The following GDPD4 variants were observed in gnomAD, a reference collection of about 807,000 sequenced individuals.
The protein encoded by GDPD4 is glycerophosphodiester phosphodiesterase domain containing 4.
GDPD4 carries 60 observed loss-of-function variants against 67.8 expected under a neutral mutation model. The ratio of observed to expected loss-of-function variants is 0.88; its 90% CI spans 0.72 to 1.10. GDPD4 has a LOEUF of 1.10. Ranked by LOEUF, GDPD4 falls within the 50% of genes least tolerant of loss-of-function variation. GDPD4 has a pLI of 0.00. For synonymous variants in GDPD4, 212 were observed against 210.9 expected (o/e 1.00, Z -0.04); for missense variants, 623 against 613.9 (o/e 1.01, Z -0.16).
intron 8 of GDPD4, 44 bp from the exon 9 acceptor site, chr11:77,269,113 A>C: frequency 6.3e-7 from 1 of 1,584,630 alleles, no homozygotes; most frequent in Middle Eastern, 1.7e-4. Context: ...AAAAGAGATA[A>C]AGAGGGATGG....
At chr11:77,296,207 C>A (rs1239828052) in intron 1 of GDPD4, among the ~76,000 whole-genome samples, 1 of 143,248 alleles carries the variant, frequency 7.0e-6, no homozygotes, top group Middle Eastern at 3.6e-3. Flanking sequence ...GCAGAGATCG[C>A]GCCACTGCAC....
At chr11:77,240,776 T>G (rs1339317525) in intron 13 of GDPD4, among the ~76,000 whole-genome samples, 1 of 152,058 alleles carries the variant, frequency 6.6e-6, no homozygotes, top group African/African-American at 2.4e-5. Flanking sequence ...CCTGAAGAGA[T>G]ATTTCTCAAA....
chr11:77,239,433 C>T (rs1221567919), intron 13 of GDPD4, among the ~76,000 whole-genome samples: 1 of 152,126 alleles, frequency 6.6e-6, no homozygotes, highest in Non-Finnish European at 1.5e-5. Context: ...TATAGAAAAT[C>T]CTAAAGAATC....
intron 11 of GDPD4, among the ~76,000 whole-genome samples, chr11:77,257,193 T>A (rs1263288766): frequency 6.6e-6 from 1 of 152,214 alleles, no homozygotes; most frequent in Non-Finnish European, 1.5e-5. Flanking sequence ...TATGGATGCA[T>A]GCTATCTATC....
intron 1 of GDPD4, among the ~76,000 whole-genome samples, chr11:77,293,275 C>T (rs1337495488): frequency 1.3e-5 from 2 of 152,118 alleles, no homozygotes; most frequent in Non-Finnish European, 2.9e-5. Context: ...CTAAGGACTG[C>T]AAAGATTATT....
At chr11:77,222,991 C>T (rs1055351555) in intron 16 of GDPD4, among the ~76,000 whole-genome samples, 1 of 152,202 alleles carries the variant, frequency 6.6e-6, no homozygotes, top group African/African-American at 2.4e-5. Flanking sequence ...CACTGATACC[C>T]TTTCTTCCAC....
At chr11:77,255,695 C>T (rs1022587246) in intron 11 of GDPD4, among the ~76,000 whole-genome samples, 3 of 151,686 alleles carry the variant, frequency 2.0e-5, no homozygotes, top group Admixed American at 6.6e-5. Context: ...CCCATCTCTA[C>T]TAAAAATACA....
chr11:77,231,154 T>A (rs1280670353), intron 14 of GDPD4, among the ~76,000 whole-genome samples: 1 of 152,232 alleles, frequency 6.6e-6, no homozygotes, highest in African/African-American at 2.4e-5. Flanking sequence ...CACTAAGTTT[T>A]AGGTAGTTTT....
chr11:77,250,556 G>A (rs762792305), intron 11 of GDPD4, among the ~76,000 whole-genome samples: 1 of 152,118 alleles, frequency 6.6e-6, no homozygotes, highest in Non-Finnish European at 1.5e-5. Context: ...TTTTAAATTT[G>A]TTGAGATTTG....
chr11:77,233,279 G>A (rs1958488103), intron 13 of GDPD4, 107 bp from the exon 14 acceptor site: 1 of 989,888 alleles, frequency 1.0e-6, no homozygotes, highest in East Asian at 2.4e-5. Context: ...TAAATCACCA[G>A]AAGCAGCTGA....
chr11:77,261,133 A>G (rs537185076), intron 10 of GDPD4, among the ~76,000 whole-genome samples: 1 of 152,150 alleles, frequency 6.6e-6, no homozygotes, highest in Admixed American at 6.5e-5. Context: ...TTACTACTAT[A>G]TTTTTCCTGC....
At chr11:77,266,114 T>C (rs1350704452) in intron 10 of GDPD4, among the ~76,000 whole-genome samples, 2 of 152,212 alleles carry the variant, frequency 1.3e-5, no homozygotes, top group Admixed American at 6.6e-5. Flanking sequence ...AAAACAGCTA[T>C]GAAAATTAAT....
intron 5 of GDPD4, among the ~76,000 whole-genome samples, chr11:77,271,758 T>C (rs1047883728): frequency 5.3e-5 from 8 of 152,350 alleles, no homozygotes; most frequent in South Asian, 4.1e-4. Flanking sequence ...TAGTCCTCAA[T>C]TGTATACTCA....
At position 77,225,419 on chromosome 11, in the gene GDPD4, A is replaced by T. The variant is rs531683076; in HGVS notation, c.1525+2445T>A. Among the ~76,000 whole-genome samples, 47 of 152,258 alleles carry T rather than the reference A, an allele frequency of 3.1e-4. No individual in the cohort carries two copies. In the East Asian group the frequency reaches 6.4e-3, roughly 21 times the overall value. ...CAGAAAAATATTTGAAGAAATAAAG[A>T]CTAAAATTATGTCCAATTTGATGAA... On this transcript the variant is annotated intron_variant, in intron 16 of 16. Transcript: ENST00000315938.
chr11:77,241,719 T>C (rs866771139), intron 13 of GDPD4, among the ~76,000 whole-genome samples: 6 of 131,214 alleles, frequency 4.6e-5, no homozygotes, highest in Non-Finnish European at 9.4e-5. Context: ...CCGAGGCGGG[T>C]GGATCACGAG....
At chr11:77,294,689 A>G (rs1202159818) in intron 1 of GDPD4, among the ~76,000 whole-genome samples, 1 of 152,218 alleles carries the variant, frequency 6.6e-6, no homozygotes, top group Admixed American at 6.5e-5. Flanking sequence ...AGACTAGCCA[A>G]AACAATTTTG....
chr11:77,229,879 CTCAT>C (rs1565509294), intron 14 of GDPD4, among the ~76,000 whole-genome samples: 1 of 152,178 alleles, frequency 6.6e-6, no homozygotes, highest in Admixed American at 6.5e-5. Context: ...TCTGGGTCCT[CTCAT>C]TGAGTTTGAT....
intron 13 of GDPD4, among the ~76,000 whole-genome samples, chr11:77,237,832 C>A (rs1358804147): frequency 6.6e-6 from 1 of 152,150 alleles, no homozygotes; most frequent in Non-Finnish European, 1.5e-5. Context: ...AGCTTTAAGG[C>A]TGGGCGCAAT....
chr11:77,242,713 G>C (rs1958693335), intron 13 of GDPD4, among the ~76,000 whole-genome samples: 1 of 151,652 alleles, frequency 6.6e-6, no homozygotes, highest in Non-Finnish European at 1.5e-5. Flanking sequence ...GAAGAAAATA[G>C]AAATATGCTC....
Sources: gnomAD v4.1 joint callset for allele counts (sites outside exome capture counted in the v4.1 genomes callset) on GRCh38, gnomAD v4.1.1 for gene constraint, MANE v1.5 for transcripts, NCBI Gene and HGNC (gene_info 2026-07-23, HGNC 2026-07-21) for gene names.